Variants in RELN observed in about 807,000 individuals in gnomAD.
RELN encodes reelin.
In RELN, 108 loss-of-function variants were observed where a neutral mutation model predicts 427.6. The ratio of observed to expected loss-of-function variants is 0.25; its 90% CI spans 0.22 to 0.30. The LOEUF is 0.30. RELN is among the 10% of genes least tolerant of loss of function. The pLI is 1.00. For missense variants in RELN, 3,715 were observed against 4,302.8 expected, an observed-to-expected ratio of 0.86 and a Z score of 3.82; for synonymous variants, 1,524 against 1,513.4, an observed-to-expected ratio of 1.01 and a Z score of -0.16.
intron 1 of RELN, among the ~76,000 whole-genome samples, chr7:103,972,190 T>C (rs1398716266): frequency 6.6e-6 from 1 of 152,220 alleles, no homozygotes; most frequent in African/African-American, 2.4e-5. Flanking sequence ...CCATATACTG[T>C]AATACTAAAC....
intron 2 of RELN, among the ~76,000 whole-genome samples, chr7:103,839,774 C>T (rs555794135): frequency 1.1e-3 from 169 of 152,272 alleles, no homozygotes; most frequent in Middle Eastern, 6.8e-3. Flanking sequence ...CCCTTCACAA[C>T]CCTATGAAGT....
chr7:103,636,588 A>G (rs1369412584), intron 17 of RELN, 120 bp from the exon 18 acceptor site: 2 of 735,706 alleles, frequency 2.7e-6, no homozygotes, highest in Non-Finnish European at 4.9e-6. Context: ...AATGAGGCTC[A>G]TTAGTCTTTG....
intron 16 of RELN, among the ~76,000 whole-genome samples, chr7:103,645,643 A>G (rs527380649): frequency 1.3e-5 from 2 of 151,994 alleles, no homozygotes; most frequent in Admixed American, 6.6e-5. Flanking sequence ...ATACTACTAG[A>G]CCTAAGAAAA....
intron 11 of RELN, among the ~76,000 whole-genome samples, chr7:103,672,956 G>A (rs976609997): frequency 2.0e-5 from 3 of 151,942 alleles, no homozygotes; most frequent in African/African-American, 7.2e-5. Flanking sequence ...CCTCCTTGCT[G>A]CTTCTGTTAC....
At chr7:103,500,565 C>G (rs908311393) in intron 53 of RELN, among the ~76,000 whole-genome samples, 180 bp downstream of exon 53, 1 of 152,018 alleles carries the variant, frequency 6.6e-6, no homozygotes, top group Non-Finnish European at 1.5e-5. Context: ...TGTACTAGAA[C>G]TTGATCCTAA....
chr7:103,509,093 G>T (rs568551377), intron 51 of RELN, among the ~76,000 whole-genome samples: 123 of 152,272 alleles, frequency 8.1e-4, no homozygotes, highest in Middle Eastern at 3.4e-3. Context: ...AGTAATTATA[G>T]ATTCAATGCT....
intron 34 of RELN, among the ~76,000 whole-genome samples, chr7:103,564,570 A>G (rs1464000192): frequency 6.6e-6 from 1 of 152,026 alleles, no homozygotes; most frequent in East Asian, 1.9e-4. Context: ...GGGGAGGAAC[A>G]CCCTGATTTA....
intron 11 of RELN, among the ~76,000 whole-genome samples, chr7:103,680,185 G>A (rs1833623021): frequency 6.6e-6 from 1 of 152,108 alleles, no homozygotes; most frequent in Non-Finnish European, 1.5e-5. Context: ...CAGAGAAGGA[G>A]AGAGAAGTGG....
At chr7:103,939,793 C>A (rs1189517398) in intron 1 of RELN, among the ~76,000 whole-genome samples, 3 of 152,154 alleles carry the variant, frequency 2.0e-5, no homozygotes, top group Admixed American at 2.0e-4. Flanking sequence ...GAGGATCTAT[C>A]ATGTAGCCAT....
At chr7:103,667,568 TC>T (rs984746568) in intron 11 of RELN, among the ~76,000 whole-genome samples, 1 of 152,202 alleles carries the variant, frequency 6.6e-6, no homozygotes, top group Non-Finnish European at 1.5e-5. Flanking sequence ...CATAATTTCT[TC>T]ATCCAAAGCT....
In RELN at chr7:103,518,143, T is replaced by G. The variant is rs183304233; in HGVS notation, c.7862+1180A>C. 4.3e-3 allele frequency among the ~76,000 whole-genome samples: 657 copies of G among 152,190 alleles called. 2 individuals carry two copies. Among genetic ancestry groups the G allele is most frequent in the Non-Finnish European group, 7.8e-3 (527 of 67,996 alleles). On this transcript the variant is annotated intron_variant, in intron 49 of 64. Transcript: ENST00000428762. The stretch of plus-strand genomic sequence containing the variant: ...TACAGTAGTCCTGGAGTACTTTTTT[T>G]GGGGATGTAATTTACATAGGAGAGA...
At chr7:103,849,567 G>C (rs1793767682) in intron 2 of RELN, among the ~76,000 whole-genome samples, 1 of 152,004 alleles carries the variant, frequency 6.6e-6, no homozygotes, top group African/African-American at 2.4e-5. Context: ...TACATCTCTG[G>C]GCTTATCTAT....
intron 19 of RELN, among the ~76,000 whole-genome samples, chr7:103,634,509 T>C (rs1386171246): frequency 2.0e-5 from 3 of 152,180 alleles, no homozygotes; most frequent in East Asian, 3.9e-4. Flanking sequence ...CATTGAAAGA[T>C]AGCCCAGCTT....
intron 35 of RELN, 48 bp from the exon 36 acceptor site, chr7:103,561,757 A>C: frequency 6.2e-7 from 1 of 1,613,826 alleles, no homozygotes; most frequent in Non-Finnish European, 8.5e-7. Context: ...CACGTTCAAC[A>C]AGCCATATTT....
chr7:103,778,602 C>T (rs1791806136), intron 3 of RELN, among the ~76,000 whole-genome samples: 1 of 152,162 alleles, frequency 6.6e-6, no homozygotes, highest in South Asian at 2.1e-4. Flanking sequence ...TCAGATATAC[C>T]AACATCTGCT....
chr7:103,833,916 G>T (rs1325817530), intron 2 of RELN, among the ~76,000 whole-genome samples: 4 of 148,976 alleles, frequency 2.7e-5, no homozygotes, highest in Admixed American at 6.6e-5. Context: ...TGATTTTGTT[G>T]ATTGATTGAT....
At chr7:103,533,036 A>G (rs561387290) in intron 46 of RELN, among the ~76,000 whole-genome samples, 1 of 152,368 alleles carries the variant, frequency 6.6e-6, no homozygotes, top group South Asian at 2.1e-4. Context: ...GACTGAATGA[A>G]TAATTGCTAC....
intron 3 of RELN, among the ~76,000 whole-genome samples, chr7:103,821,177 AAGG>A (rs1017904315): frequency 1.3e-4 from 20 of 152,166 alleles, no homozygotes; most frequent in Admixed American, 9.2e-4. Context: ...TAGGAAAATG[AAGG>A]AGGTTTATGG....
intron 22 of RELN, among the ~76,000 whole-genome samples, chr7:103,604,916 G>A (rs1379253767): frequency 6.8e-6 from 1 of 147,182 alleles, no homozygotes; most frequent in Non-Finnish European, 1.5e-5. Context: ...TGCAACATCC[G>A]CCTCCTGGGT....
Sources: allele counts gnomAD v4.1 joint callset (sites outside exome capture counted in the v4.1 genomes callset), GRCh38; gene constraint gnomAD v4.1.1; transcripts MANE v1.5; gene names NCBI Gene and HGNC (gene_info 2026-07-23, HGNC 2026-07-21).